Variants in IL1F10 observed in about 807,000 individuals in gnomAD.
The protein encoded by IL1F10 is interleukin 1 family member 10.
In IL1F10, 13 loss-of-function variants were observed where a neutral mutation model predicts 13.1. The ratio of observed to expected loss-of-function variants is 0.99; its 90% confidence interval spans 0.64 to 1.57. IL1F10 has a LOEUF of 1.57. IL1F10 is among the 40% of genes most tolerant of loss of function. The pLI, the probability that IL1F10 is intolerant of heterozygous loss-of-function variation, is 0.00. For synonymous variants in IL1F10, 78 were observed against 68.2 expected, an observed-to-expected ratio of 1.14 and a Z score of -0.71; for missense variants, 191 against 184.1, an observed-to-expected ratio of 1.04 and a Z score of -0.22.
intron 1 of IL1F10, among the ~76,000 whole-genome samples, chr2:113,069,877 A>G (rs796187052): frequency 5.3e-5 from 8 of 152,354 alleles, no homozygotes; most frequent in African/African-American, 1.7e-4. Flanking sequence ...GGAGGCAATG[A>G]CTAAATATCA....
At chr2:113,071,987 G>A (rs533508756) in intron 1 of IL1F10, among the ~76,000 whole-genome samples, 5 of 152,164 alleles carry the variant, frequency 3.3e-5, no homozygotes, top group Non-Finnish European at 5.9e-5. Flanking sequence ...GTTCATTTTA[G>A]GGAAGAGCTC....
In IL1F10 at chr2:113,075,320, G is replaced by A. The variant is rs751975083; in HGVS notation, c.415G>A (p.Glu139Lys). ...QQPVQLTKES[E>K]PSARTKFYFE... ...GCCAGTACAGCTCACCAAGGAGAGT[G>A]AGCCCTCAGCCCGTACCAAGTTTTA... Residue 139 changes from glutamate (E) to lysine (K), a missense_variant, in exon 5 of 5, where the codon GAG becomes AAG. Transcript: ENST00000341010. 2 of 1,601,054 alleles carry A rather than the reference G, an allele frequency of 1.2e-6. No homozygotes were observed. Among genetic ancestry groups the A allele is most frequent in the South Asian group, 1.1e-5 (1 of 90,630 alleles).
In IL1F10 at chr2:113,074,735, T is replaced by A; in HGVS notation, c.131T>A (p.Ile44Lys). Residue 44 changes from isoleucine to lysine, a missense_variant, in exon 4 of 5, where the codon ATA (isoleucine) becomes AAA (lysine). Ile to Lys is a moderately radical substitution (Grantham distance 102). Coordinates refer to ENST00000341010, the MANE Select transcript of IL1F10 (RefSeq NM_173161.3). ...TCTTCCCTCCTAGAGAAGATCTGCA[T>A]ACTTCCTAACAGAGGCTTGGCCCGC... ...ADNCCAEKIC[I>K]LPNRGLARTK... 6.2e-7 allele frequency: 1 copy of A among 1,613,256 alleles called. No homozygotes were observed. Among genetic ancestry groups the A allele is most frequent in the Non-Finnish European group, 8.5e-7 (1 of 1,179,306 alleles).
chr2:113,070,905 C>T (rs1685824117), intron 1 of IL1F10, among the ~76,000 whole-genome samples: 1 of 152,204 alleles, frequency 6.6e-6, no homozygotes, highest in Non-Finnish European at 1.5e-5. Flanking sequence ...CCAAGTCCTA[C>T]TGAATTAGAA....
At position 113,074,811 on chromosome 2, in the gene IL1F10, A is replaced by T. The variant is rs761258842; in HGVS notation, c.207A>T (p.Ala69=). The change falls in exon 4 of 5, where the codon GCA becomes GCT. Residue 69 remains alanine (A), a synonymous_variant. Transcript: ENST00000341010. ...LGIQGGSRCL[A]CVETEEGPSL... Reference sequence around the variant, plus strand: ...TCCAGGGAGGGAGCCGCTGCCTGGCATGTGTGGAGACAGAAGAGGGGCCTT... The same window carrying T: ...TCCAGGGAGGGAGCCGCTGCCTGGCTTGTGTGGAGACAGAAGAGGGGCCTT... 4 of 1,613,126 alleles carry T rather than the reference A, an allele frequency of 2.5e-6. No individual in the cohort carries two copies. In the South Asian group the frequency reaches 4.4e-5, roughly 18 times the overall value.
Position 113,074,712 on chromosome 2 carries a change from T to G in IL1F10, c.119-11T>G, listed in dbSNP as rs1165840179. 1 of 1,613,172 alleles carries G rather than the reference T, an allele frequency of 6.2e-7. No individual in the cohort carries two copies. The highest frequency in any genetic ancestry group is 1.1e-5 in the South Asian group (1 of 91,052). ...CCTTGTCCCTTGACTCTTCTCTCTC[T>G]TCCCTCCTAGAGAAGATCTGCATAC... is the stretch of plus-strand genomic sequence containing the variant. On this transcript the variant is annotated splice_polypyrimidine_tract_variant and intron_variant, in intron 3 of 4. Coordinates refer to ENST00000341010, the MANE Select transcript of IL1F10 (RefSeq NM_173161.3).
At chr2:113,074,552 C>T in intron 3 of IL1F10, 138 bp downstream of exon 3, 5 of 1,079,426 alleles carry the variant, frequency 4.6e-6, no homozygotes, top group Non-Finnish European at 7.2e-6. Flanking sequence ...GTGGCCTCTC[C>T]TAGCGAGGGG....
intron 1 of IL1F10, among the ~76,000 whole-genome samples, chr2:113,069,208 T>C (rs1685791858): frequency 1.3e-5 from 2 of 152,022 alleles, no homozygotes; most frequent in African/African-American, 4.8e-5. Context: ...TTAGTGTCCA[T>C]GGAGAAGTGA....
At chr2:113,069,847 T>C (rs1388783103) in intron 1 of IL1F10, among the ~76,000 whole-genome samples, 1 of 152,186 alleles carries the variant, frequency 6.6e-6, no homozygotes, top group East Asian at 1.9e-4. Context: ...AAGGGAGTCA[T>C]TCAATGTCAA....
intron 2 of IL1F10, 146 bp downstream of exon 2, chr2:113,072,916 C>T (rs1685865556): frequency 3.0e-6 from 2 of 674,150 alleles, no homozygotes; most frequent in African/African-American, 3.6e-5. Context: ...ACCACAGTAG[C>T]AACAGCTCTT....
chr2:113,074,738 T>C lies in IL1F10; in HGVS notation c.134T>C (p.Leu45Pro). The C allele has an allele frequency of 6.2e-7, 1 of 1,613,642 alleles. No individual in the cohort carries two copies. Among genetic ancestry groups the C allele is most frequent in the East Asian group, 2.2e-5 (1 of 44,874 alleles). Residue 45 changes from leucine to proline, a missense_variant, in exon 4 of 5, where the codon CTT (leucine) becomes CCT (proline). Physicochemically the swap from Leu to Pro is moderately conservative, Grantham distance 98 (BLOSUM62 -3). Transcript: ENST00000341010. ...TCCCTCCTAGAGAAGATCTGCATAC[T>C]TCCTAACAGAGGCTTGGCCCGCACC... The part of the protein sequence containing the change: ...DNCCAEKICI[L>P]PNRGLARTKV...
At chr2:113,068,376 A>C (rs1199788775) in intron 1 of IL1F10, among the ~76,000 whole-genome samples, 5 of 148,568 alleles carry the variant, frequency 3.4e-5, no homozygotes, top group Non-Finnish European at 5.9e-5. Context: ...GTAGCTCCTC[A>C]GTGTCTTCTT....
intron 4 of IL1F10, 146 bp downstream of exon 4, chr2:113,074,996 A>T: frequency 8.2e-7 from 1 of 1,225,344 alleles, no homozygotes; most frequent in South Asian, 1.4e-5. Context: ...CTCTGCACCT[A>T]GCACCAAGAC....
chr2:113,069,317 G>A (rs1206980882), intron 1 of IL1F10, among the ~76,000 whole-genome samples: 1 of 152,074 alleles, frequency 6.6e-6, no homozygotes, highest in African/African-American at 2.4e-5. Context: ...AAAATCTTTA[G>A]AACGTGGGTC....
intron 4 of IL1F10, 35 bp from the exon 5 acceptor site, chr2:113,075,117 C>G (rs769267615): frequency 1.3e-6 from 2 of 1,560,530 alleles, no homozygotes; most frequent in East Asian, 4.5e-5. Flanking sequence ...TCCATCAGCA[C>G]TCTCATTCTG....
chr2:113,068,262 A>G (rs975152363), intron 1 of IL1F10, among the ~76,000 whole-genome samples: 1 of 152,208 alleles, frequency 6.6e-6, no homozygotes, highest in Non-Finnish European at 1.5e-5. Flanking sequence ...TGACTTTAGA[A>G]AGTAATCTCA....
chr2:113,072,053 G>C (rs189274749), intron 1 of IL1F10, among the ~76,000 whole-genome samples: 2 of 152,262 alleles, frequency 1.3e-5, no homozygotes, highest in Admixed American at 1.3e-4. Context: ...GTGTGGCCTG[G>C]CATTTATACA....
intron 1 of IL1F10, among the ~76,000 whole-genome samples, chr2:113,071,770 C>T (rs890033243): frequency 4.6e-5 from 7 of 152,180 alleles, no homozygotes; most frequent in Non-Finnish European, 7.3e-5. Context: ...TACTTTCTTC[C>T]ACCTGCCTTC....
At chr2:113,069,022 A>G (rs1384988788) in intron 1 of IL1F10, among the ~76,000 whole-genome samples, 1 of 152,240 alleles carries the variant, frequency 6.6e-6, no homozygotes, top group African/African-American at 2.4e-5. Flanking sequence ...TTAATTTGAT[A>G]GAACTAGATA....
Sources: gnomAD v4.1 joint callset for allele counts (sites outside exome capture counted in the v4.1 genomes callset) on GRCh38, gnomAD v4.1.1 for gene constraint, MANE v1.5 for transcripts, NCBI Gene and HGNC (gene_info 2026-07-23, HGNC 2026-07-21) for gene names.